The following LDAH variants were observed in gnomAD, a reference collection of about 807,000 sequenced individuals.
The protein encoded by LDAH is lipid droplet associated hydrolase.
In LDAH, 26 loss-of-function variants were observed where a neutral mutation model predicts 29.6. That is an observed-to-expected ratio of 0.88 (90% CI 0.64 to 1.22). LDAH has a LOEUF of 1.22. Ranked by LOEUF, LDAH falls within the 50% of genes most tolerant of loss-of-function variation. The pLI, the probability that LDAH is intolerant of heterozygous loss-of-function variation, is 0.00. For synonymous variants in LDAH, 117 were observed against 133.0 expected (o/e 0.88, Z 0.83); for missense variants, 344 against 387.3 (o/e 0.89, Z 0.94).
chr2:20,784,907 A>AAAAAACAAG, intron 3 of LDAH, among the ~76,000 whole-genome samples: 1 of 152,136 alleles, frequency 6.6e-6, no homozygotes, highest in East Asian at 1.9e-4. Context: ...AAAAAAACAA[A>AAAAAACAAG]AAAACACAAG....
At chr2:20,781,512 A>G (rs1219703315) in intron 3 of LDAH, among the ~76,000 whole-genome samples, 1 of 152,238 alleles carries the variant, frequency 6.6e-6, no homozygotes, top group Admixed American at 6.5e-5. Flanking sequence ...AGCAAATAAT[A>G]TATCTGTGTT....
At chr2:20,749,445 T>TA (rs1667805193) in intron 4 of LDAH, among the ~76,000 whole-genome samples, 3 of 152,324 alleles carry the variant, frequency 2.0e-5, no homozygotes, top group Non-Finnish European at 2.9e-5. Flanking sequence ...TGCCATTTTA[T>TA]ACCAGTACTA....
chr2:20,711,696 T>C (rs1664777742), intron 5 of LDAH, among the ~76,000 whole-genome samples: 1 of 152,258 alleles, frequency 6.6e-6, no homozygotes, highest in Admixed American at 6.5e-5. Context: ...TACTGCACTT[T>C]TCCAATGGTC....
At chr2:20,792,880 T>G (rs1435302978) in intron 2 of LDAH, among the ~76,000 whole-genome samples, 2 of 152,134 alleles carry the variant, frequency 1.3e-5, no homozygotes, top group Non-Finnish European at 2.9e-5. Flanking sequence ...GTAACAAACG[T>G]GCACATTCTG....
At chr2:20,755,764 A>G (rs953584672) in intron 4 of LDAH, among the ~76,000 whole-genome samples, 1 of 152,240 alleles carries the variant, frequency 6.6e-6, no homozygotes, top group Non-Finnish European at 1.5e-5. Flanking sequence ...AAAACAATAT[A>G]AGTGAAAGCC....
rs1483415875 is a variant in LDAH, at chr2:20,684,763, G to C, written c.*2140C>G. 4 of 1,157,402 alleles carry C rather than the reference G, an allele frequency of 3.5e-6. No homozygotes were observed. Among genetic ancestry groups the C allele is most frequent in the African/African-American group, 1.5e-5 (1 of 64,634 alleles). The allele number at this position is 1,157,402 out of a possible 1,614,324, so 71.7% of individuals were successfully genotyped here. A position where few individuals can be genotyped will look rare whatever the true frequency, so the allele number is the denominator to read the frequency against. ...CAATCGCTGAGCACTCGGTAACTCT[G>C]CAGGAAGTTAAAACTTTCACAAAGA... On this transcript the variant is annotated 3_prime_UTR_variant, in exon 7 of 7. Coordinates refer to ENST00000237822, the MANE Select transcript of LDAH (RefSeq NM_021925.4).
chr2:20,716,159 G>C (rs1459386829), intron 5 of LDAH, among the ~76,000 whole-genome samples: 1 of 152,166 alleles, frequency 6.6e-6, no homozygotes, highest in African/African-American at 2.4e-5. Flanking sequence ...CATTGCGGAA[G>C]ACAGTGTGGC....
chr2:20,715,187 C>T (rs1244727491), intron 5 of LDAH, among the ~76,000 whole-genome samples: 1 of 152,216 alleles, frequency 6.6e-6, no homozygotes, highest in Non-Finnish European at 1.5e-5. Flanking sequence ...CCTCCACGAT[C>T]AAGTTGGCTT....
intron 3 of LDAH, among the ~76,000 whole-genome samples, chr2:20,787,026 A>C (rs1002686642): frequency 1.3e-5 from 2 of 152,232 alleles, no homozygotes; most frequent in Non-Finnish European, 2.9e-5. Flanking sequence ...ATACCTATGA[A>C]AGTGAAGAAG....
chr2:20,745,593 C>A (rs1667511343), intron 4 of LDAH, among the ~76,000 whole-genome samples: 1 of 152,094 alleles, frequency 6.6e-6, no homozygotes. Flanking sequence ...AGTCATTCCA[C>A]AATATATGCT....
At chr2:20,699,179 C>G (rs1393888013) in intron 6 of LDAH, among the ~76,000 whole-genome samples, 1 of 152,152 alleles carries the variant, frequency 6.6e-6, no homozygotes, top group African/African-American at 2.4e-5. Flanking sequence ...GGCTTGATGA[C>G]TATTCACACT....
At chr2:20,711,473 A>G (rs921769052) in intron 5 of LDAH, among the ~76,000 whole-genome samples, 1 of 151,900 alleles carries the variant, frequency 6.6e-6, no homozygotes, top group Non-Finnish European at 1.5e-5. Flanking sequence ...CATGATTGAC[A>G]GAGAAGACGG....
chr2:20,700,589 G>A (rs542062042), intron 6 of LDAH, among the ~76,000 whole-genome samples: 5 of 151,978 alleles, frequency 3.3e-5, no homozygotes, highest in Admixed American at 2.0e-4. Context: ...ACTCAGCAGG[G>A]ATCATTTCAG....
intron 4 of LDAH, among the ~76,000 whole-genome samples, chr2:20,742,562 T>C (rs112001476): frequency 0.032 from 4,844 of 152,274 alleles, 258 homozygotes; most frequent in African/African-American, 0.11. Context: ...CCTTTTTTAT[T>C]CTGGATAACT....
chr2:20,786,454 T>C (rs1670561351), intron 3 of LDAH, among the ~76,000 whole-genome samples: 2 of 152,162 alleles, frequency 1.3e-5, no homozygotes, highest in African/African-American at 4.8e-5. Context: ...CCTCCCAAAG[T>C]GCTGGGATTA....
At chr2:20,697,800 T>C (rs1164404776) in intron 6 of LDAH, among the ~76,000 whole-genome samples, 1 of 152,224 alleles carries the variant, frequency 6.6e-6, no homozygotes, top group African/African-American at 2.4e-5. Context: ...TGTTTACTTT[T>C]GTTAATCTCT....
Position 20,716,515 on chromosome 2 carries a change from G to A in LDAH, c.704-14863C>T, listed in dbSNP as rs543277502. ...CACCACATGTTCTCACTCATAGGTG[G>A]GAATTGAACAATGAGAACACTTGGA... On this transcript the variant is annotated intron_variant, in intron 5 of 6. Transcript: ENST00000237822. 7.2e-3 allele frequency among the ~76,000 whole-genome samples: 1,066 copies of A among 148,726 alleles called. 11 individuals are homozygous for A. Among genetic ancestry groups the A allele is most frequent in the Non-Finnish European group, 0.011 (741 of 66,886 alleles).
At chr2:20,793,995 G>A (rs1181313722) in intron 2 of LDAH, among the ~76,000 whole-genome samples, 1 of 152,130 alleles carries the variant, frequency 6.6e-6, no homozygotes, top group East Asian at 1.9e-4. Context: ...AAATGTATTA[G>A]TCTGTTTTCA....
chr2:20,767,506 G>A (rs1669123040), intron 4 of LDAH, among the ~76,000 whole-genome samples: 1 of 152,242 alleles, frequency 6.6e-6, no homozygotes, highest in Non-Finnish European at 1.5e-5. Context: ...AAGCATGAGG[G>A]GAAATTGAGG....
Sources: allele counts gnomAD v4.1 joint callset (sites outside exome capture counted in the v4.1 genomes callset), GRCh38; gene constraint gnomAD v4.1.1; transcripts MANE v1.5; gene names NCBI Gene and HGNC (gene_info 2026-07-23, HGNC 2026-07-21).